FBXW11: variants seen among roughly 807,000 people sequenced by gnomAD.
FBXW11 encodes F-box/WD repeat-containing protein 11.
Under a neutral mutation model 77.6 loss-of-function variants are expected in FBXW11, and 19 were observed. The ratio of observed to expected loss-of-function variants is 0.24; its 90% CI spans 0.17 to 0.36. The LOEUF (loss-of-function observed/expected upper bound fraction) is 0.36. Ranked by LOEUF, FBXW11 falls within the 10% of genes least tolerant of loss-of-function variation. The pLI is 1.00. For missense variants in FBXW11, 334 were observed against 704.2 expected, an observed-to-expected ratio of 0.47 and a Z score of 5.95; for synonymous variants, 235 against 249.4, an observed-to-expected ratio of 0.94 and a Z score of 0.54.
In FBXW11 at chr5:171,933,362, T is replaced by C. The variant is rs73329826; in HGVS notation, c.148-18957A>G. On this transcript the variant is annotated intron_variant, in intron 2 of 13. Coordinates refer to ENST00000517395, the MANE Select transcript of FBXW11 (RefSeq NM_001378974.1). ...ATTAGTGATTGTCAGGAAGGATGGA[T>C]AGGAAGCACACATAGAATTCTTAGG... Among the ~76,000 whole-genome samples, 362 of 152,266 alleles carry C rather than the reference T, an allele frequency of 2.4e-3. 1 individual carries two copies. Among genetic ancestry groups the C allele is most frequent in the African/African-American group, 8.3e-3 (343 of 41,544 alleles).
intron 7 of FBXW11, among the ~76,000 whole-genome samples, chr5:171,882,402 G>A (rs1243511681): frequency 1.3e-5 from 2 of 152,106 alleles, no homozygotes; most frequent in African/African-American, 4.8e-5. Flanking sequence ...CCCGGGCTCA[G>A]GTGATCCTCC....
intron 2 of FBXW11, among the ~76,000 whole-genome samples, chr5:171,923,885 G>T (rs1430441066): frequency 6.8e-6 from 1 of 147,778 alleles, no homozygotes; most frequent in Non-Finnish European, 1.5e-5. Flanking sequence ...GGCAGACAGG[G>T]GAGGGTCCGC....
intron 1 of FBXW11, among the ~76,000 whole-genome samples, chr5:171,990,499 T>C (rs937869331): frequency 2.0e-5 from 3 of 152,192 alleles, no homozygotes; most frequent in Non-Finnish European, 2.9e-5. Flanking sequence ...GATCCTGTCC[T>C]GAAGATACCT....
At chr5:171,948,481 T>G (rs1452383463) in intron 2 of FBXW11, among the ~76,000 whole-genome samples, 1 of 152,080 alleles carries the variant, frequency 6.6e-6, no homozygotes, top group African/African-American at 2.4e-5. Flanking sequence ...CTCATGCCTA[T>G]AATCTCAGCA....
intron 1 of FBXW11, among the ~76,000 whole-genome samples, chr5:171,995,524 T>C (rs1300280237): frequency 4.6e-5 from 7 of 151,882 alleles, no homozygotes; most frequent in African/African-American, 9.7e-5. Context: ...GAGGCTGAGG[T>C]GGGCGGATCA....
chr5:171,922,094 G>A (rs886945186), intron 2 of FBXW11, among the ~76,000 whole-genome samples: 1 of 144,470 alleles, frequency 6.9e-6, no homozygotes, highest in African/African-American at 2.6e-5. Flanking sequence ...GGGAGGGAGG[G>A]AGGGAGGGGC....
At chr5:171,899,830 C>T (rs1052709811) in intron 5 of FBXW11, 84 bp downstream of exon 5, 2 of 1,228,774 alleles carry the variant, frequency 1.6e-6, no homozygotes, top group Non-Finnish European at 2.3e-6. Flanking sequence ...AGCACATTTG[C>T]AAGTATAATT....
At chr5:171,995,582 T>C (rs920877313) in intron 1 of FBXW11, among the ~76,000 whole-genome samples, 2 of 151,820 alleles carry the variant, frequency 1.3e-5, no homozygotes, top group Non-Finnish European at 2.9e-5. Flanking sequence ...TGAAACCCCA[T>C]CTCTACTAAA....
chr5:171,900,042 C>A lies in FBXW11; in HGVS notation c.495G>T (p.Leu165=). ...NILSYLDARS[L]CAAELVCKEW... Reference sequence around the variant, plus strand: ...CTTTACATACCAGCTCTGCTGCACACAGAGACCTGGCATCCAGGTACGAAA... The same window carrying A: ...CTTTACATACCAGCTCTGCTGCACAAAGAGACCTGGCATCCAGGTACGAAA... The change falls in exon 5 of 14, where the codon CTG becomes CTT. Residue 165 remains leucine (L), a synonymous_variant. Coordinates refer to ENST00000517395, the MANE Select transcript of FBXW11 (RefSeq NM_001378974.1). The A allele has an allele frequency of 6.2e-7, 1 of 1,613,606 alleles. No individual in the cohort carries two copies. The highest frequency in any genetic ancestry group is 1.1e-5 in the South Asian group (1 of 91,016).
At chr5:171,956,987 T>C (rs1763647058) in intron 2 of FBXW11, among the ~76,000 whole-genome samples, 1 of 152,166 alleles carries the variant, frequency 6.6e-6, no homozygotes, top group Non-Finnish European at 1.5e-5. Context: ...AAGTTTTACT[T>C]TTATCTGTGG....
At chr5:171,940,896 A>G (rs76463257) in intron 2 of FBXW11, among the ~76,000 whole-genome samples, 2 of 149,812 alleles carry the variant, frequency 1.3e-5, no homozygotes, top group Non-Finnish European at 3.0e-5. Context: ...AAAAAAAAAA[A>G]GATACAGACG....
intron 3 of FBXW11, among the ~76,000 whole-genome samples, chr5:171,913,311 G>A (rs1395798667): frequency 2.0e-5 from 3 of 152,180 alleles, no homozygotes; most frequent in Non-Finnish European, 4.4e-5. Context: ...CCTCCCTAGA[G>A]TGTTTGTATA....
At position 171,869,659 on chromosome 5, in the gene FBXW11, A is replaced by T; in HGVS notation, c.1530+70T>A. 1 of 1,202,180 alleles carries T rather than the reference A, an allele frequency of 8.3e-7. No individual in the cohort carries two copies. The highest frequency in any genetic ancestry group is 1.2e-6 in the Non-Finnish European group (1 of 842,492). The allele number at this position is 1,202,180 out of a possible 1,614,324, so 74.5% of individuals were successfully genotyped here. A position where few individuals can be genotyped will look rare whatever the true frequency, so the allele number is the denominator to read the frequency against. ...ACACAAGCGTTCCTGTGATACACCT[A>T]GACAGGACTATCTGCAAATGGTCAT... On this transcript the variant is annotated intron_variant, in intron 12 of 13. Transcript: ENST00000517395. This position sits in a 1 kb window ranked among gnomAD's most constrained non-coding sequence, Gnocchi z 4.1.
At position 171,890,129 on chromosome 5, in the gene FBXW11, G is replaced by A. The variant is rs370656957; in HGVS notation, c.852+1338C>T. Among the ~76,000 whole-genome samples, 15 of 152,090 alleles carry A rather than the reference G, an allele frequency of 9.9e-5. No homozygotes were observed. The East Asian group carries it at 1.9e-3, about 20-fold the overall frequency. ...AAAAGATGCTCACTATCATCACTGG[G>A]GAAATGTGAATTTAAAGCAAAATGA... is the stretch of plus-strand genomic sequence containing the variant. On this transcript the variant is annotated intron_variant, in intron 7 of 13. Transcript: ENST00000517395.
At chr5:171,920,585 G>A (rs1761538737) in intron 2 of FBXW11, among the ~76,000 whole-genome samples, 1 of 151,868 alleles carries the variant, frequency 6.6e-6, no homozygotes, top group African/African-American at 2.4e-5. Context: ...AATAAGCCAA[G>A]CCTCGTAACT....
rs537215868 is a variant in FBXW11 at position 171,924,074 on chromosome 5, G to A, written c.148-9669C>T. Among the ~76,000 whole-genome samples the A allele has an allele frequency of 3.8e-4, 57 of 151,672 alleles. No homozygotes were observed. In the Middle Eastern group the frequency reaches 0.01, roughly 27 times the overall value. On this transcript the variant is annotated intron_variant, in intron 2 of 13. Coordinates refer to ENST00000517395, the MANE Select transcript of FBXW11 (RefSeq NM_001378974.1). Reference sequence around the variant, plus strand: ...CGAGTAGCTGGGACTACAGGCACCCGCCACGACACCCAACTATTTTTGTAT... The same window carrying A: ...CGAGTAGCTGGGACTACAGGCACCCACCACGACACCCAACTATTTTTGTAT...
rs908433759 is a variant in FBXW11 at position 171,956,834 on chromosome 5, C to T, written c.147+763G>A. Among the ~76,000 whole-genome samples the T allele has an allele frequency of 1.6e-4, 25 of 152,194 alleles. 1 individual carries two copies. The highest frequency in any genetic ancestry group is 5.9e-5 in the Non-Finnish European group (4 of 68,026). ...TACTGAAACCATATTTAATTAAACA[C>T]ATGCTTGCTCAGAGCTTCAGAAATA... On this transcript the variant is annotated intron_variant, in intron 2 of 13. Coordinates refer to ENST00000517395, the MANE Select transcript of FBXW11 (RefSeq NM_001378974.1).
At chr5:171,870,980 A>C (rs1757719707) in intron 10 of FBXW11, 122 bp from the exon 11 acceptor site, 1 of 645,118 alleles carries the variant, frequency 1.6e-6, no homozygotes. Context: ...CTTTATTTCT[A>C]TCTCACTTCC....
At chr5:171,930,660 C>T (rs1207318360) in intron 2 of FBXW11, among the ~76,000 whole-genome samples, 1 of 150,892 alleles carries the variant, frequency 6.6e-6, no homozygotes, top group Admixed American at 6.6e-5. Flanking sequence ...ACCTTCCCTC[C>T]ACTATTGTCC....
Sources: gnomAD v4.1 joint callset for allele counts (sites outside exome capture counted in the v4.1 genomes callset) on GRCh38, gnomAD v4.1.1 for gene constraint, Gnocchi (gnomAD v3.1) non-coding constraint, MANE v1.5 for transcripts, NCBI Gene and HGNC (gene_info 2026-07-23, HGNC 2026-07-21) for gene names.